Variants in PMFBP1 observed in about 807,000 individuals in gnomAD.
PMFBP1 encodes polyamine-modulated factor 1-binding protein 1.
PMFBP1 carries 131 observed loss-of-function variants against 137.8 expected under a neutral mutation model. That is an observed-to-expected ratio of 0.95 (90% confidence interval 0.82 to 1.10). The LOEUF (loss-of-function observed/expected upper bound fraction) is 1.10, where lower values mean the gene tolerates loss of function less well. Among genes scored for constraint, PMFBP1 ranks in the 50% least tolerant of loss-of-function variants. PMFBP1 has a pLI of 0.00. For synonymous variants in PMFBP1, 490 were observed against 450.4 expected (o/e 1.09, Z -1.11); for missense variants, 1,199 against 1,175.4 (o/e 1.02, Z -0.29).
At chr16:72,209,530 CTG>C in the PMFBP1 span, among the ~76,000 whole-genome samples, 1 of 151,862 alleles carries the variant, frequency 6.6e-6, no homozygotes, top group African/African-American at 2.4e-5. Flanking sequence ...GTATATATAA[CTG>C]TATATCATAT....
the PMFBP1 span, among the ~76,000 whole-genome samples, chr16:72,201,664 T>C: frequency 6.6e-6 from 1 of 152,222 alleles, no homozygotes; most frequent in East Asian, 1.9e-4. Flanking sequence ...TTCCCACTTA[T>C]ATTCAATCAC....
chr16:72,164,358 T>A (rs757830940), intron 3 of PMFBP1: 2 of 1,254,654 alleles, frequency 1.6e-6, no homozygotes, highest in South Asian at 2.5e-5. Flanking sequence ...GCTACCCCAA[T>A]GGACACTGAT....
the PMFBP1 span, among the ~76,000 whole-genome samples, chr16:72,225,934 G>GACACACAC: frequency 4.0e-3 from 563 of 140,756 alleles, 6 homozygotes; most frequent in African/African-American, 0.014. Flanking sequence ...CACACTCACA[G>GACACACAC]ACACACACAC....
chr16:72,153,921 T>C (rs1327321023), intron 4 of PMFBP1, among the ~76,000 whole-genome samples: 1 of 133,948 alleles, frequency 7.5e-6, no homozygotes, highest in Non-Finnish European at 1.6e-5. Flanking sequence ...GATGGACTTA[T>C]ACACACACAC....
the PMFBP1 span, among the ~76,000 whole-genome samples, chr16:72,241,876 T>TA: frequency 6.6e-6 from 1 of 152,250 alleles, no homozygotes; most frequent in Non-Finnish European, 1.5e-5. Flanking sequence ...CTGTTTTAAC[T>TA]AAGACATTTC....
At chr16:72,168,285 G>A (rs1053853732) in intron 2 of PMFBP1, among the ~76,000 whole-genome samples, 3 of 152,174 alleles carry the variant, frequency 2.0e-5, no homozygotes, top group African/African-American at 7.2e-5. Context: ...AGAGTGATCA[G>A]GTGATTTCGA....
upstream of PMFBP1, among the ~76,000 whole-genome samples, chr16:72,179,128 G>C (rs189372946): frequency 1.2e-4 from 18 of 152,258 alleles, no homozygotes; most frequent in Admixed American, 9.8e-4. Flanking sequence ...CAACAAAAAA[G>C]TCAAGGACTT....
At chr16:72,156,206 C>G (rs543576288) in intron 3 of PMFBP1, among the ~76,000 whole-genome samples, 13 of 152,110 alleles carry the variant, frequency 8.5e-5, no homozygotes, top group Admixed American at 8.5e-4. Context: ...AAGTTGGTCT[C>G]GAACTCCTAA....
chr16:72,236,043 A>C, the PMFBP1 span, among the ~76,000 whole-genome samples: 2 of 152,132 alleles, frequency 1.3e-5, no homozygotes, highest in Admixed American at 1.3e-4. Flanking sequence ...AGAAATGATG[A>C]GAGTAGATGT....
At chr16:72,141,880 G>A (rs572339743) in intron 5 of PMFBP1, among the ~76,000 whole-genome samples, 1 of 152,146 alleles carries the variant, frequency 6.6e-6, no homozygotes, top group East Asian at 1.9e-4. Context: ...TCATCAACAT[G>A]AGTATGGCTA....
chr16:72,171,091 G>T, intron 2 of PMFBP1, 106 bp downstream of exon 2: 2 of 1,331,406 alleles, frequency 1.5e-6, no homozygotes, highest in Non-Finnish European at 1.1e-6. Context: ...CTCTGTCCAT[G>T]ATATTTTGTG....
chr16:72,235,935 A>C, the PMFBP1 span, among the ~76,000 whole-genome samples: 1 of 152,270 alleles, frequency 6.6e-6, no homozygotes, highest in Non-Finnish European at 1.5e-5. Flanking sequence ...TGCCATCTAA[A>C]AACAAAGTGA....
intron 13 of PMFBP1, 70 bp from the exon 14 acceptor site, chr16:72,128,864 C>G: frequency 6.3e-7 from 1 of 1,591,572 alleles, no homozygotes; most frequent in Non-Finnish European, 8.6e-7. Context: ...AAGCCCCACT[C>G]CACCCTCCCT....
the PMFBP1 span, among the ~76,000 whole-genome samples, chr16:72,204,201 T>C: frequency 5.9e-5 from 9 of 151,868 alleles, no homozygotes; most frequent in Non-Finnish European, 1.0e-4. Context: ...TTTTTTTTTT[T>C]TTTTGAGACA....
At chr16:72,138,068 G>A (rs2042660302) in intron 7 of PMFBP1, among the ~76,000 whole-genome samples, 1 of 152,180 alleles carries the variant, frequency 6.6e-6, no homozygotes, top group South Asian at 2.1e-4. Context: ...GGGGGAAGGT[G>A]TATTCTGCTT....
chr16:72,139,452 T>A, intron 6 of PMFBP1, 53 bp from the exon 7 acceptor site: 1 of 1,287,586 alleles, frequency 7.8e-7, no homozygotes, highest in Non-Finnish European at 1.1e-6. Context: ...ACGTGCTTGT[T>A]ACCATGACTA....
chr16:72,162,207 G>A (rs1382621010), intron 3 of PMFBP1, among the ~76,000 whole-genome samples: 1 of 152,196 alleles, frequency 6.6e-6, no homozygotes, highest in Non-Finnish European at 1.5e-5. Flanking sequence ...AAATTTTAAG[G>A]AGGCACTCAG....
the PMFBP1 span, among the ~76,000 whole-genome samples, chr16:72,182,386 C>G: frequency 6.6e-6 from 1 of 150,806 alleles, no homozygotes; most frequent in Admixed American, 6.6e-5. Flanking sequence ...ATCCTAGCTA[C>G]TTGAGAGGCT....
At chr16:72,175,997 C>T (rs879442668), upstream of PMFBP1, among the ~76,000 whole-genome samples, 36 of 152,244 alleles carry the variant, frequency 2.4e-4, no homozygotes, top group Admixed American at 2.0e-3. Context: ...AATCCAAACC[C>T]GGTTCTAAAG....
Sources: allele counts gnomAD v4.1 joint callset (sites outside exome capture counted in the v4.1 genomes callset), GRCh38; gene constraint gnomAD v4.1.1; transcripts MANE v1.5; gene names NCBI Gene and HGNC (gene_info 2026-07-23, HGNC 2026-07-21).